The following MNAT1 variants were observed in gnomAD, a reference collection of about 807,000 sequenced individuals.
MNAT1 encodes CDK-activating kinase assembly factor MAT1.
A neutral mutation model predicts 42.0 loss-of-function variants in MNAT1; 43 were observed. The observed-to-expected ratio is 1.02, with a 90% CI of 0.80 to 1.32. The LOEUF is 1.32. Ranked by LOEUF, MNAT1 falls within the 40% of genes most tolerant of loss-of-function variation. MNAT1 has a pLI of 0.00. For missense variants in MNAT1, 306 were observed against 350.4 expected (o/e 0.87, Z 1.01); for synonymous variants, 118 against 120.0 (o/e 0.98, Z 0.11).
At chr14:60,915,255 A>G (rs1279266365) in intron 7 of MNAT1, among the ~76,000 whole-genome samples, 3 of 152,168 alleles carry the variant, frequency 2.0e-5, no homozygotes, top group African/African-American at 7.2e-5. Flanking sequence ...TTGACTTCCT[A>G]GTATGAGAAA....
At chr14:60,898,953 CCA>C (rs2035019930) in intron 7 of MNAT1, among the ~76,000 whole-genome samples, 1 of 152,044 alleles carries the variant, frequency 6.6e-6, no homozygotes, top group South Asian at 2.1e-4. Context: ...AGATAGGAGT[CCA>C]GTTACATTAT....
intron 7 of MNAT1, among the ~76,000 whole-genome samples, chr14:60,934,799 G>A (rs1408212571): frequency 6.6e-6 from 1 of 152,048 alleles, no homozygotes; most frequent in Non-Finnish European, 1.5e-5. Context: ...TCTCTTTCTG[G>A]AACATAAAGA....
At chr14:60,846,058 T>TA (rs1326241051) in intron 6 of MNAT1, among the ~76,000 whole-genome samples, 1 of 152,134 alleles carries the variant, frequency 6.6e-6, no homozygotes, top group Non-Finnish European at 1.5e-5. Context: ...TTACTAATAA[T>TA]AAGCCTATTC....
intron 1 of MNAT1, among the ~76,000 whole-genome samples, chr14:60,753,346 TAAG>T (rs1025209931): frequency 6.6e-6 from 1 of 152,108 alleles, no homozygotes; most frequent in Non-Finnish European, 1.5e-5. Context: ...ACAAAACAAA[TAAG>T]AATTGAAAAT....
At chr14:60,848,387 A>C (rs2033732906) in intron 6 of MNAT1, among the ~76,000 whole-genome samples, 1 of 152,050 alleles carries the variant, frequency 6.6e-6, no homozygotes, top group Admixed American at 6.5e-5. Context: ...CTTTAACTTT[A>C]CTAATTTTGT....
intron 7 of MNAT1, among the ~76,000 whole-genome samples, chr14:60,915,539 A>G (rs1014545869): frequency 3.3e-5 from 5 of 152,122 alleles, no homozygotes; most frequent in Admixed American, 6.5e-5. Context: ...AATCTACCCT[A>G]TCTAGGGCTA....
intron 6 of MNAT1, among the ~76,000 whole-genome samples, chr14:60,852,390 G>A (rs953142655): frequency 1.3e-5 from 2 of 151,638 alleles, no homozygotes; most frequent in Non-Finnish European, 2.9e-5. Flanking sequence ...TTTTGTTGTT[G>A]TTGCTGTTTT....
chr14:60,786,413 C>G (rs559476971), intron 1 of MNAT1, among the ~76,000 whole-genome samples: 2 of 152,024 alleles, frequency 1.3e-5, no homozygotes, highest in African/African-American at 2.4e-5. Flanking sequence ...TATAAGCAAT[C>G]TTTTATTGGT....
intron 7 of MNAT1, among the ~76,000 whole-genome samples, chr14:60,918,195 G>GTTTTTT (rs1376166023): frequency 2.0e-5 from 1 of 48,916 alleles, no homozygotes; most frequent in African/African-American, 5.6e-5. Context: ...CCAATTAATT[G>GTTTTTT]TTCTTTTTTT....
chr14:60,852,107 A>C (rs2033838572), intron 6 of MNAT1, among the ~76,000 whole-genome samples: 1 of 152,166 alleles, frequency 6.6e-6, no homozygotes, highest in African/African-American at 2.4e-5. Flanking sequence ...AGGAATTGCC[A>C]CACTGTCTTC....
At chr14:60,737,504 G>T (rs755486442) in intron 1 of MNAT1, among the ~76,000 whole-genome samples, 17 of 151,682 alleles carry the variant, frequency 1.1e-4, no homozygotes, top group Non-Finnish European at 2.2e-4. Context: ...GTAGTCCATT[G>T]TTCAAATATA....
chr14:60,930,015 A>G (rs973129203), intron 7 of MNAT1, among the ~76,000 whole-genome samples: 5 of 151,944 alleles, frequency 3.3e-5, no homozygotes, highest in African/African-American at 1.2e-4. Flanking sequence ...CAGAGGTCAG[A>G]AAAATATAAC....
At chr14:60,816,874 A>T (rs1413424758) in intron 5 of MNAT1, among the ~76,000 whole-genome samples, 2 of 152,004 alleles carry the variant, frequency 1.3e-5, no homozygotes, top group African/African-American at 2.4e-5. Context: ...AGTGTTTTAG[A>T]TCCTTAGAAT....
chr14:60,918,748 A>ATATG (rs2035587562), intron 7 of MNAT1, among the ~76,000 whole-genome samples: 1 of 148,052 alleles, frequency 6.8e-6, no homozygotes, highest in Admixed American at 6.8e-5. Flanking sequence ...ATATATATAT[A>ATATG]TATATATATT....
Position 60,758,273 on chromosome 14 carries a change from CA to C in MNAT1, c.89+23323del, listed in dbSNP as rs144675682. On this transcript the variant is annotated intron_variant, in intron 1 of 7. Coordinates refer to ENST00000261245, the MANE Select transcript of MNAT1 (RefSeq NM_002431.4). The stretch of plus-strand genomic sequence containing the variant: ...CCAGGTGAGAGTGCAGTGGCAAGAT[CA>C]TGGCTTCTTGCAGCCTTGACTTCAG... 1.8e-3 allele frequency among the ~76,000 whole-genome samples: 266 copies of C among 151,232 alleles called. No homozygotes were observed. The East Asian group carries it at 0.028, about 16-fold the overall frequency.
At chr14:60,735,469 A>G (rs1896278189) in intron 1 of MNAT1, among the ~76,000 whole-genome samples, 1 of 152,140 alleles carries the variant, frequency 6.6e-6, no homozygotes, top group African/African-American at 2.4e-5. Flanking sequence ...GAAAACCCGG[A>G]CTGTAGGTAG....
rs370912805 is a variant in MNAT1, at chr14:60,958,891, G to A, written c.810-9338G>A. ...CCTGACCTCGTGATCTGCCTGCCTCGGCCTCCCAAAGTGCTGGGATTACAG... is the reference window on the plus strand; with the variant it reads ...CCTGACCTCGTGATCTGCCTGCCTCAGCCTCCCAAAGTGCTGGGATTACAG... On this transcript the variant is annotated intron_variant, in intron 7 of 7. Transcript: ENST00000261245. Among the ~76,000 whole-genome samples, 7 of 151,884 alleles carry A rather than the reference G, an allele frequency of 4.6e-5. No homozygotes were observed. In the East Asian group the frequency reaches 5.8e-4, roughly 13 times the overall value.
intron 1 of MNAT1, among the ~76,000 whole-genome samples, chr14:60,761,478 G>A (rs2030597560): frequency 6.6e-6 from 1 of 152,000 alleles, no homozygotes; most frequent in African/African-American, 2.4e-5. Flanking sequence ...TTAAAGTTTG[G>A]GATTATCTAA....
chr14:60,944,516 T>G (rs2036235633), intron 7 of MNAT1, among the ~76,000 whole-genome samples: 1 of 152,232 alleles, frequency 6.6e-6, no homozygotes, highest in African/African-American at 2.4e-5. Context: ...AATAGACTTC[T>G]ATCGTTTAAG....
Sources: allele counts gnomAD v4.1 joint callset (sites outside exome capture counted in the v4.1 genomes callset), GRCh38; gene constraint gnomAD v4.1.1; transcripts MANE v1.5; gene names NCBI Gene and HGNC (gene_info 2026-07-23, HGNC 2026-07-21).